Variants in CR1 observed in about 807,000 individuals in gnomAD.
CR1 encodes complement receptor type 1.
CR1 carries 116 observed loss-of-function variants against 187.3 expected under a neutral mutation model. That is an observed-to-expected ratio of 0.62 (90% CI 0.53 to 0.72). The LOEUF (loss-of-function observed/expected upper bound fraction) is 0.72. CR1 is among the 30% of genes least tolerant of loss of function. The pLI, the probability that CR1 is intolerant of heterozygous loss-of-function variation, is 0.00. For synonymous variants in CR1, 576 were observed against 747.1 expected (o/e 0.77, Z 3.73); for missense variants, 1,731 against 2,110.7 (o/e 0.82, Z 3.52).
At chr1:207,504,540 A>G (rs1461043764) in intron 1 of CR1, among the ~76,000 whole-genome samples, 1 of 152,168 alleles carries the variant, frequency 6.6e-6, no homozygotes, top group African/African-American at 2.4e-5. Flanking sequence ...CAAAATCAGT[A>G]AAGTATCTAG....
At chr1:207,599,942 G>A (rs1435681771) in intron 35 of CR1, among the ~76,000 whole-genome samples, 1 of 152,158 alleles carries the variant, frequency 6.6e-6, no homozygotes, top group Non-Finnish European at 1.5e-5. Context: ...TATAACTAAG[G>A]AGTAGATGTT....
At position 207,574,849 on chromosome 1, in the gene CR1, C is replaced by A. The variant is rs144292962; in HGVS notation, c.4452-746C>A. Reference sequence around the variant, plus strand: ...TAGAAAAAATAATAAGTTTAATTTCCAAATTATTAGAATAACTAAAACAGC... The same window carrying A: ...TAGAAAAAATAATAAGTTTAATTTCAAAATTATTAGAATAACTAAAACAGC... On this transcript the variant is annotated intron_variant, in intron 27 of 46. Transcript: ENST00000367049. Among the ~76,000 whole-genome samples the A allele has an allele frequency of 1.5e-4, 23 of 152,060 alleles. No individual in the cohort carries two copies. In the East Asian group the frequency reaches 4.4e-3, roughly 29 times the overall value.
At position 207,511,579 on chromosome 1, in the gene CR1, A is replaced by G; in HGVS notation, c.412A>G (p.Ile138Val). ...ATTTTTTGCCTCTAGATACCGACTC[A>G]TTGGTTCCTCGTCTGCCACATGCAT... is the stretch of plus-strand genomic sequence containing the variant. Reference protein sequence around the residue: ...KYSCTKGYRLIGSSSATCIIS... With the variant: ...KYSCTKGYRLVGSSSATCIIS... Residue 138 changes from isoleucine to valine, a missense_variant, in exon 4 of 47, where the codon ATT becomes GTT. By Grantham distance (29) the Ile-to-Val change is conservative. Transcript: ENST00000367049. 1 of 1,613,356 alleles carries G rather than the reference A, an allele frequency of 6.2e-7. No individual in the cohort carries two copies.
intron 46 of CR1, among the ~76,000 whole-genome samples, chr1:207,635,298 G>A (rs1195907586): frequency 6.6e-6 from 1 of 152,096 alleles, no homozygotes; most frequent in Non-Finnish European, 1.5e-5. Context: ...ATCATTAATG[G>A]GTGTTTCTCG....
At chr1:207,579,268 G>A (rs139178356) in intron 29 of CR1, among the ~76,000 whole-genome samples, 169 of 152,348 alleles carry the variant, frequency 1.1e-3, no homozygotes, top group Non-Finnish European at 1.7e-3. Flanking sequence ...TAGCAGCTGT[G>A]TAGGAGGTGT....
chr1:207,567,029 G>A (rs966669937), intron 24 of CR1, among the ~76,000 whole-genome samples: 1 of 150,074 alleles, frequency 6.7e-6, no homozygotes, highest in Admixed American at 6.6e-5. Context: ...TCATTAACTG[G>A]ACTACTCAAG....
Position 207,524,028 on chromosome 1 carries a change from T to A in CR1, c.886+19T>A, listed in dbSNP as rs760982728. 2.5e-6 allele frequency: 4 copies of A among 1,611,722 alleles called. No individual in the cohort carries two copies. In the South Asian group the frequency reaches 4.4e-5, roughly 18 times the overall value. Reference sequence around the variant, plus strand: ...TCCAGGGGTGAGTCTGACTGAGGCCTAGAAGGGCCCTGCCAGTGACATGCG... The same window carrying A: ...TCCAGGGGTGAGTCTGACTGAGGCCAAGAAGGGCCCTGCCAGTGACATGCG... On this transcript the variant is annotated intron_variant, in intron 5 of 46. Transcript: ENST00000367049.
chr1:207,575,829 C>A, intron 28 of CR1, 149 bp downstream of exon 28: 6 of 1,289,542 alleles, frequency 4.7e-6, no homozygotes, highest in Non-Finnish European at 6.6e-6. Flanking sequence ...TGGCTCACAG[C>A]ATTCCAAACT....
intron 42 of CR1, among the ~76,000 whole-genome samples, chr1:207,618,869 C>T (rs55706571): frequency 4.6e-5 from 7 of 150,624 alleles, no homozygotes; most frequent in African/African-American, 1.2e-4. Context: ...GGTGAAACCC[C>T]GTTTCTACTA....
chr1:207,581,383 T>C (rs1660948676), intron 31 of CR1, among the ~76,000 whole-genome samples: 1 of 150,522 alleles, frequency 6.6e-6, no homozygotes, highest in South Asian at 2.1e-4. Context: ...TATGTATACA[T>C]ATGTATATAT....
rs925947189 is a variant in CR1, at chr1:207,496,364, C to T, written c.97C>T (p.Leu33=). The change falls in exon 1 of 47, where the codon CTG becomes TTG. Residue 33 remains leucine (L), a synonymous_variant. Coordinates refer to ENST00000367049, the MANE Select transcript of CR1 (RefSeq NM_000651.6). The stretch of plus-strand genomic sequence containing the variant: ...AGGATCCCTGCTGGCGGTTGTGGTG[C>T]TGCTTGCGCTGCCGGTGGCCTGGGG... ...CGGSLLAVVV[L]LALPVAWGQC... is the part of the protein sequence containing the mutation. 5 of 1,610,892 alleles carry T rather than the reference C, an allele frequency of 3.1e-6. No homozygotes were observed. The highest frequency in any genetic ancestry group is 4.2e-6 in the Non-Finnish European group (5 of 1,179,110).
chr1:207,632,293 T>C (rs1039667337), intron 46 of CR1, among the ~76,000 whole-genome samples: 1 of 152,232 alleles, frequency 6.6e-6, no homozygotes, highest in African/African-American at 2.4e-5. Context: ...AATGGGCATA[T>C]GTATACACTG....
intron 43 of CR1, 97 bp downstream of exon 43, chr1:207,620,162 C>A: frequency 8.1e-7 from 1 of 1,239,860 alleles, no homozygotes; most frequent in Non-Finnish European, 1.1e-6. Flanking sequence ...ATGTTTATGG[C>A]ATATGCTATG....
chr1:207,498,959 CAG>C (rs1427107072), intron 1 of CR1, among the ~76,000 whole-genome samples: 1 of 127,622 alleles, frequency 7.8e-6, no homozygotes, highest in African/African-American at 2.9e-5. Flanking sequence ...AAAATAGAAA[CAG>C]AGAACAAGAG....
At chr1:207,520,070 GTATT>G (rs1321470843) in intron 4 of CR1, among the ~76,000 whole-genome samples, 1 of 152,168 alleles carries the variant, frequency 6.6e-6, no homozygotes, top group African/African-American at 2.4e-5. Context: ...TATAAAAACA[GTATT>G]TATTTATATT....
intron 46 of CR1, among the ~76,000 whole-genome samples, chr1:207,632,345 A>C (rs577881589): frequency 6.6e-6 from 1 of 152,334 alleles, no homozygotes; most frequent in South Asian, 2.1e-4. Flanking sequence ...GGGATATAAA[A>C]ATCATAAGAT....
At chr1:207,594,964 CAG>C (rs905893107) in intron 35 of CR1, among the ~76,000 whole-genome samples, 4 of 152,032 alleles carry the variant, frequency 2.6e-5, no homozygotes, top group Admixed American at 1.3e-4. Flanking sequence ...CTCCAATAAA[CAG>C]GGGACAATCT....
At chr1:207,587,648 C>CAAAGTGATGGG in intron 34 of CR1, 83 bp downstream of exon 34, 1 of 1,373,368 alleles carries the variant, frequency 7.3e-7, no homozygotes, top group Non-Finnish European at 9.9e-7. Flanking sequence ...CCTGTAATCC[C>CAAAGTGATGGG]ATCACTTTGG....
intron 29 of CR1, among the ~76,000 whole-genome samples, chr1:207,579,712 T>G (rs554844342): frequency 6.6e-6 from 1 of 152,322 alleles, no homozygotes; most frequent in South Asian, 2.1e-4. Flanking sequence ...CCAGGAACCC[T>G]TATGTTGCTG....
Sources: allele counts gnomAD v4.1 joint callset (sites outside exome capture counted in the v4.1 genomes callset), GRCh38; gene constraint gnomAD v4.1.1; transcripts MANE v1.5; gene names NCBI Gene and HGNC (gene_info 2026-07-23, HGNC 2026-07-21).